The following SUPT3H variants were observed in gnomAD, a reference collection of about 807,000 sequenced individuals.
SUPT3H encodes the protein transcription initiation protein SPT3 homolog.
Under a neutral mutation model 44.3 loss-of-function variants are expected in SUPT3H, and 44 were observed. The ratio of observed to expected loss-of-function variants is 0.99; its 90% confidence interval spans 0.78 to 1.28. The LOEUF (loss-of-function observed/expected upper bound fraction) is 1.28. Ranked by LOEUF, SUPT3H falls within the 50% of genes most tolerant of loss-of-function variation. The pLI, the probability that SUPT3H is intolerant of heterozygous loss-of-function variation, is 0.00. For synonymous variants in SUPT3H, 124 were observed against 125.6 expected (o/e 0.99, Z 0.09); for missense variants, 380 against 387.1 (o/e 0.98, Z 0.15).
chr6:45,318,228 G>T (rs1174450402), intron 2 of SUPT3H, among the ~76,000 whole-genome samples: 1 of 151,952 alleles, frequency 6.6e-6, no homozygotes, highest in Non-Finnish European at 1.5e-5. Flanking sequence ...AAAAAGAAAG[G>T]GAAGAAAAAA....
intron 2 of SUPT3H, among the ~76,000 whole-genome samples, chr6:45,276,355 T>G (rs922592500): frequency 6.6e-6 from 1 of 152,134 alleles, no homozygotes; most frequent in African/African-American, 2.4e-5. Context: ...AAACCTCTCC[T>G]ATAAAAACTT....
chr6:44,830,385 C>T (rs1026189188), intron 10 of SUPT3H, among the ~76,000 whole-genome samples: 2 of 152,074 alleles, frequency 1.3e-5, no homozygotes, highest in Non-Finnish European at 2.9e-5. Context: ...ATATTGTAGA[C>T]AGTATCAAAA....
At position 44,826,950 on chromosome 6, in the gene SUPT3H, C is replaced by G. The variant is rs1019741464; in HGVS notation, c.*2866G>C. Among the ~76,000 whole-genome samples the G allele has an allele frequency of 6.6e-6, 1 of 152,138 alleles. No homozygotes were observed. Among genetic ancestry groups the G allele is most frequent in the African/African-American group, 2.4e-5 (1 of 41,446 alleles). On this transcript the variant is annotated 3_prime_UTR_variant, in exon 11 of 11. Coordinates refer to ENST00000371459, the MANE Select transcript of SUPT3H (RefSeq NM_003599.4). ...AAATTGAAACAGTATTTTTGAATCA[C>G]AACGATTACAATCTAAGAAGGCAGG...
chr6:44,823,875 A>C (rs1315761878), downstream of SUPT3H, among the ~76,000 whole-genome samples: 1 of 152,194 alleles, frequency 6.6e-6, no homozygotes, highest in Admixed American at 6.5e-5. Flanking sequence ...AGGCAGGAGA[A>C]TCGCTTGAAC....
intron 2 of SUPT3H, among the ~76,000 whole-genome samples, chr6:45,346,737 A>G (rs901507873): frequency 4.6e-5 from 7 of 151,624 alleles, no homozygotes; most frequent in East Asian, 3.9e-4. Context: ...GCTAATTTTT[A>G]TATTTTTTTA....
At chr6:45,289,024 G>T (rs1450176189) in intron 2 of SUPT3H, among the ~76,000 whole-genome samples, 2 of 151,954 alleles carry the variant, frequency 1.3e-5, no homozygotes, top group African/African-American at 4.8e-5. Context: ...TCTACTCTCA[G>T]CATCGGGCCA....
intron 6 of SUPT3H, among the ~76,000 whole-genome samples, chr6:44,976,977 C>T (rs1487140154): frequency 1.3e-5 from 2 of 152,120 alleles, no homozygotes; most frequent in African/African-American, 2.4e-5. Context: ...ATGAAATTTC[C>T]ACTCTCTTAG....
chr6:45,099,125 C>T (rs1798193941), intron 3 of SUPT3H: 2 of 343,134 alleles, frequency 5.8e-6, no homozygotes, highest in South Asian at 4.7e-5. Flanking sequence ...TTCCACACCC[C>T]CAACCCCAGG....
chr6:45,147,660 T>C (rs957695864), intron 2 of SUPT3H, among the ~76,000 whole-genome samples: 2 of 151,824 alleles, frequency 1.3e-5, no homozygotes, highest in Non-Finnish European at 2.9e-5. Flanking sequence ...CCTGGTGTCA[T>C]AGGAAGAGGT....
downstream of SUPT3H, among the ~76,000 whole-genome samples, chr6:44,824,307 A>T (rs1001747083): frequency 6.6e-6 from 1 of 152,300 alleles, no homozygotes; most frequent in South Asian, 2.1e-4. Context: ...CAAGTGGCCA[A>T]TGCATTGGCA....
At position 45,318,948 on chromosome 6, in the gene SUPT3H, G is replaced by A. The variant is rs1057347632; in HGVS notation, c.101+46253C>T. Among the ~76,000 whole-genome samples the A allele has an allele frequency of 5.9e-5, 9 of 151,862 alleles. No homozygotes were observed. The East Asian group carries it at 1.5e-3, about 26-fold the overall frequency. ...AACTATTTTTAATTTATTAATTTTGGATGAAAATCTTCCCTACATAAATAT... is the reference window on the plus strand; with the variant it reads ...AACTATTTTTAATTTATTAATTTTGAATGAAAATCTTCCCTACATAAATAT... On this transcript the variant is annotated intron_variant, in intron 2 of 10. Transcript: ENST00000371459.
intron 10 of SUPT3H, among the ~76,000 whole-genome samples, chr6:44,914,471 G>A (rs148419758): frequency 4.6e-5 from 7 of 152,256 alleles, no homozygotes; most frequent in Admixed American, 6.5e-5. Flanking sequence ...TTTCAAAACA[G>A]GTATTACTCA....
chr6:45,178,723 C>A (rs1469909019), intron 2 of SUPT3H, among the ~76,000 whole-genome samples: 1 of 152,138 alleles, frequency 6.6e-6, no homozygotes, highest in African/African-American at 2.4e-5. Context: ...GTCTCTCAGA[C>A]CACAGTGCAA....
At chr6:45,295,282 A>G (rs1033383428) in intron 2 of SUPT3H, among the ~76,000 whole-genome samples, 3 of 152,150 alleles carry the variant, frequency 2.0e-5, no homozygotes, top group African/African-American at 7.2e-5. Flanking sequence ...ATACTAGGCT[A>G]GCCACATGTA....
intron 2 of SUPT3H, among the ~76,000 whole-genome samples, chr6:45,200,990 G>A (rs972808460): frequency 6.6e-6 from 1 of 151,410 alleles, no homozygotes; most frequent in South Asian, 2.1e-4. Flanking sequence ...AAGCACCTAT[G>A]TATTACTTCC....
chr6:44,916,659 T>C (rs1767850139), intron 10 of SUPT3H, among the ~76,000 whole-genome samples: 1 of 152,208 alleles, frequency 6.6e-6, no homozygotes, highest in South Asian at 2.1e-4. Context: ...CACTCAAATG[T>C]CAGGCTGGGC....
chr6:44,850,848 T>C (rs1466545336), intron 10 of SUPT3H, among the ~76,000 whole-genome samples: 3 of 152,138 alleles, frequency 2.0e-5, no homozygotes, highest in African/African-American at 4.8e-5. Context: ...CCACCATTTA[T>C]AGCTTTCAGT....
intron 2 of SUPT3H, among the ~76,000 whole-genome samples, chr6:45,200,301 A>C (rs550181988): frequency 6.6e-6 from 1 of 151,530 alleles, no homozygotes; most frequent in African/African-American, 2.4e-5. Context: ...TGTTTGTATA[A>C]CTGCCATATA....
intron 2 of SUPT3H, among the ~76,000 whole-genome samples, chr6:45,321,514 A>G (rs144323238): frequency 0.017 from 2,662 of 152,254 alleles, 49 homozygotes; most frequent in South Asian, 0.084. Context: ...TGGATATTGT[A>G]CTATAAAAAC....
Sources: allele counts gnomAD v4.1 joint callset (sites outside exome capture counted in the v4.1 genomes callset), GRCh38; gene constraint gnomAD v4.1.1; transcripts MANE v1.5; gene names NCBI Gene and HGNC (gene_info 2026-07-23, HGNC 2026-07-21).